Variants in SPAG1 observed in about 807,000 individuals in gnomAD.
SPAG1 encodes the protein sperm-associated antigen 1.
A neutral mutation model predicts 100.5 loss-of-function variants in SPAG1; 69 were observed. The observed-to-expected ratio is 0.69, with a 90% confidence interval of 0.57 to 0.84. The LOEUF (loss-of-function observed/expected upper bound fraction) is 0.84. Among genes scored for constraint, SPAG1 ranks in the 40% least tolerant of loss-of-function variants. The pLI, the probability that SPAG1 is intolerant of heterozygous loss-of-function variation, is 0.00. For synonymous variants in SPAG1, 336 were observed against 411.6 expected, an observed-to-expected ratio of 0.82 and a Z score of 2.22; for missense variants, 955 against 1,133.1, an observed-to-expected ratio of 0.84 and a Z score of 2.26.
Position 100,162,468 on chromosome 8 carries a change from A to G in SPAG1, c.140+48A>G, listed in dbSNP as rs778800343. 8 of 1,421,872 alleles carry G rather than the reference A, an allele frequency of 5.6e-6. No individual in the cohort carries two copies. The South Asian group carries it at 9.5e-5, about 17-fold the overall frequency. 88.1% of individuals were successfully genotyped at this position (1,421,872 alleles called of 1,614,324 possible). On this transcript the variant is annotated intron_variant, in intron 2 of 18. Coordinates refer to ENST00000388798, the MANE Select transcript of SPAG1 (RefSeq NM_003114.5). ...ATGTTTTAGTATGACAGTTTTAATT[A>G]TCTTGTTGTTACCTTCTAAAGGTAA...
chr8:100,228,945 G>A (rs1290064183), intron 14 of SPAG1, among the ~76,000 whole-genome samples: 2 of 152,114 alleles, frequency 1.3e-5, no homozygotes, highest in African/African-American at 2.4e-5. Context: ...GTAAGGGATG[G>A]TCTTGGCTTG....
At chr8:100,194,468 G>A in intron 10 of SPAG1, 200 bp downstream of exon 10, 1 of 692,024 alleles carries the variant, frequency 1.4e-6, no homozygotes, top group Non-Finnish European at 2.4e-6. Flanking sequence ...TTCTTAACCT[G>A]TCACCTTTTT....
intron 5 of SPAG1, 134 bp downstream of exon 5, chr8:100,183,570 G>A (rs1435162564): frequency 4.1e-6 from 2 of 492,674 alleles, no homozygotes; most frequent in East Asian, 3.5e-5. Context: ...ATAGAGTACT[G>A]AGAATATCTG....
chr8:100,212,431 A>T (rs925877590), intron 10 of SPAG1, among the ~76,000 whole-genome samples: 1 of 152,220 alleles, frequency 6.6e-6, no homozygotes, highest in Non-Finnish European at 1.5e-5. Context: ...TTTTATATTT[A>T]AAAATAGATT....
intron 10 of SPAG1, among the ~76,000 whole-genome samples, chr8:100,206,766 C>T (rs1817534410): frequency 6.6e-6 from 1 of 152,180 alleles, no homozygotes; most frequent in Admixed American, 6.5e-5. Context: ...TTTGGATTTT[C>T]GAGGCAACAC....
At chr8:100,189,130 G>A (rs1440331106) in intron 8 of SPAG1, among the ~76,000 whole-genome samples, 3 of 151,126 alleles carry the variant, frequency 2.0e-5, no homozygotes, top group East Asian at 1.9e-4. Context: ...TTAGGAGTTC[G>A]AGACCAGCCT....
At chr8:100,190,652 A>G (rs979311148) in intron 8 of SPAG1, among the ~76,000 whole-genome samples, 6 of 143,848 alleles carry the variant, frequency 4.2e-5, no homozygotes, top group Admixed American at 1.5e-4. Flanking sequence ...TCAGTAATAT[A>G]CTTTTTTTTT....
intron 14 of SPAG1, among the ~76,000 whole-genome samples, chr8:100,227,999 C>T (rs943100314): frequency 7.9e-5 from 12 of 151,794 alleles, no homozygotes; most frequent in African/African-American, 2.7e-4. Context: ...TGTGTGCCAC[C>T]GTGTCTGGCT....
At chr8:100,215,051 G>A (rs1232880326) in intron 12 of SPAG1, among the ~76,000 whole-genome samples, 1 of 74,876 alleles carries the variant, frequency 1.3e-5, no homozygotes, top group South Asian at 4.3e-4. Context: ...ATATATATAT[G>A]AAACTATGTA....
chr8:100,239,185 T>G lies in SPAG1; in HGVS notation c.2116-55T>G. On this transcript the variant is annotated intron_variant, in intron 16 of 18. Transcript: ENST00000388798. This position sits in a 1 kb window ranked among gnomAD's most constrained non-coding sequence, Gnocchi z 5.0. Reference sequence around the variant, plus strand: ...ACATCCACCCCACTCCCACTCAGGTTACTCTAGGCTCCTTCTATTTATGAA... The same window carrying G: ...ACATCCACCCCACTCCCACTCAGGTGACTCTAGGCTCCTTCTATTTATGAA... 4 of 1,168,340 alleles carry G rather than the reference T, an allele frequency of 3.4e-6. No homozygotes were observed. Among genetic ancestry groups the G allele is most frequent in the Non-Finnish European group, 4.8e-6 (4 of 829,698 alleles). The allele number at this position is 1,168,340 out of a possible 1,614,324, so 72.4% of individuals were successfully genotyped here. A position where few individuals can be genotyped will look rare whatever the true frequency, so the allele number is the denominator to read the frequency against.
chr8:100,193,202 G>A (rs1194371280), intron 9 of SPAG1, among the ~76,000 whole-genome samples: 1 of 152,210 alleles, frequency 6.6e-6, no homozygotes, highest in Non-Finnish European at 1.5e-5. Flanking sequence ...GCTCACACCT[G>A]TAATCCAAGC....
intron 14 of SPAG1, among the ~76,000 whole-genome samples, chr8:100,226,104 C>T (rs1586535610): frequency 6.6e-6 from 1 of 151,198 alleles, no homozygotes; most frequent in South Asian, 2.1e-4. Flanking sequence ...TCAAGCGATT[C>T]TCCTGCCTCA....
rs574907013 is a variant in SPAG1, at chr8:100,206,017, C to CAAAAAAAAAAAAAA, written c.1097-7048_1097-7035dup. ...CTGGCGACAGAGTGAGACTCTGTCT[C>CAAAAAAAAAAAAAA]AAAAAAAAAAAAAAAAAAAAAAAAA... On this transcript the variant is annotated intron_variant, in intron 10 of 18. Coordinates refer to ENST00000388798, the MANE Select transcript of SPAG1 (RefSeq NM_003114.5). Among the ~76,000 whole-genome samples the CAAAAAAAAAAAAAA allele has an allele frequency of 3.9e-4, 30 of 77,346 alleles. 2 individuals are homozygous for CAAAAAAAAAAAAAA. The highest frequency in any genetic ancestry group is 5.0e-4 in the African/African-American group (10 of 19,958). The allele number at this position is 77,346 out of a possible 152,430, so 50.7% of individuals were successfully genotyped here.
intron 2 of SPAG1, among the ~76,000 whole-genome samples, chr8:100,162,630 G>A (rs1032361879): frequency 6.6e-6 from 1 of 152,146 alleles, no homozygotes; most frequent in Non-Finnish European, 1.5e-5. Context: ...TATCCAGGAG[G>A]GTATTTTTCT....
At chr8:100,240,360 T>C (rs1179498809) in intron 17 of SPAG1, 43 bp from the exon 18 acceptor site, 1 of 1,540,172 alleles carries the variant, frequency 6.5e-7, no homozygotes, top group African/African-American at 1.4e-5. Context: ...TATGTGGTGA[T>C]TGTGGTTCAG....
At chr8:100,189,050 G>A (rs62532711) in intron 8 of SPAG1, among the ~76,000 whole-genome samples, 25,477 of 151,958 alleles carry the variant, frequency 0.17, 2,446 homozygotes, top group South Asian at 0.23. Context: ...CAAAACTCTC[G>A]GCCAGGCTTA....
At chr8:100,233,781 C>G (rs1449310989) in intron 16 of SPAG1, among the ~76,000 whole-genome samples, 1 of 152,174 alleles carries the variant, frequency 6.6e-6, no homozygotes, top group Non-Finnish European at 1.5e-5. Context: ...CTCTAGTTTT[C>G]TGAGGAATAT....
chr8:100,179,060 T>G (rs1389826141), intron 4 of SPAG1, among the ~76,000 whole-genome samples: 2 of 124,128 alleles, frequency 1.6e-5, no homozygotes, highest in African/African-American at 3.0e-5. Context: ...GTCTCCTCTG[T>G]CTCAAAAAAA....
At chr8:100,167,750 T>C (rs1815629868) in intron 3 of SPAG1, among the ~76,000 whole-genome samples, 1 of 152,214 alleles carries the variant, frequency 6.6e-6, no homozygotes, top group Non-Finnish European at 1.5e-5. Flanking sequence ...TTTCACTGAG[T>C]TTTGACAAAC....
Sources: gnomAD v4.1 joint callset for allele counts (sites outside exome capture counted in the v4.1 genomes callset) on GRCh38, gnomAD v4.1.1 for gene constraint, Gnocchi (gnomAD v3.1) non-coding constraint, MANE v1.5 for transcripts, NCBI Gene and HGNC (gene_info 2026-07-23, HGNC 2026-07-21) for gene names.